The following LRP1B variants were observed in gnomAD, a reference collection of about 807,000 sequenced individuals.
The protein encoded by LRP1B is LDL receptor related protein 1B, also known as low-density lipoprotein receptor-related protein 1B.
A neutral mutation model predicts 556.6 loss-of-function variants in LRP1B; 217 were observed. The ratio of observed to expected loss-of-function variants is 0.39; its 90% CI spans 0.35 to 0.44. The LOEUF is 0.44. Ranked by LOEUF, LRP1B falls within the 20% of genes least tolerant of loss-of-function variation. The pLI, the probability that LRP1B is intolerant of heterozygous loss-of-function variation, is 1.00. For synonymous variants in LRP1B, 2,047 were observed against 1,865.8 expected (o/e 1.10, Z -2.50); for missense variants, 5,053 against 5,620.8 (o/e 0.90, Z 3.23).
chr2:141,037,086 G>A (rs978263377), intron 11 of LRP1B, among the ~76,000 whole-genome samples: 2 of 151,968 alleles, frequency 1.3e-5, no homozygotes, highest in Admixed American at 6.6e-5. Context: ...TTCTACCATT[G>A]AGAGAAGGAT....
At chr2:140,491,591 A>T (rs1382291462) in intron 57 of LRP1B, among the ~76,000 whole-genome samples, 2 of 151,998 alleles carry the variant, frequency 1.3e-5, no homozygotes, top group African/African-American at 4.8e-5. Flanking sequence ...ACAGAAAAAA[A>T]TATATTAAAT....
chr2:141,044,216 T>C (rs1199044538), intron 11 of LRP1B, among the ~76,000 whole-genome samples: 32 of 151,430 alleles, frequency 2.1e-4, no homozygotes, highest in Admixed American at 3.9e-4. Flanking sequence ...TGGCTAGCCG[T>C]ATGTAGAAAG....
intron 31 of LRP1B, among the ~76,000 whole-genome samples, chr2:140,831,570 T>C (rs577913515): frequency 7.2e-5 from 11 of 152,272 alleles, no homozygotes; most frequent in African/African-American, 1.9e-4. Flanking sequence ...ATTAAACTAC[T>C]GAAAGAAAAC....
At chr2:142,037,869 G>A (rs1299939949) in intron 1 of LRP1B, among the ~76,000 whole-genome samples, 3 of 151,452 alleles carry the variant, frequency 2.0e-5, no homozygotes, top group Admixed American at 2.0e-4. Flanking sequence ...CAGGCTTGTA[G>A]CAGAAATGTA....
chr2:141,106,420 CA>C (rs1217287666), intron 7 of LRP1B, among the ~76,000 whole-genome samples: 1 of 151,986 alleles, frequency 6.6e-6, no homozygotes, highest in East Asian at 1.9e-4. Context: ...CATTCATGTA[CA>C]GATTTAAAAA....
intron 43 of LRP1B, among the ~76,000 whole-genome samples, chr2:140,556,330 G>A (rs946672895): frequency 6.6e-6 from 1 of 151,974 alleles, no homozygotes. Flanking sequence ...CCCCCACAAT[G>A]TACTCTATAC....
At chr2:141,118,901 A>G (rs146304102) in intron 7 of LRP1B, among the ~76,000 whole-genome samples, 388 of 152,022 alleles carry the variant, frequency 2.6e-3, no homozygotes, top group African/African-American at 8.9e-3. Context: ...AAGCAGCGTT[A>G]AGAAATACAG....
chr2:140,832,855 T>A lies in LRP1B; in HGVS notation c.5209+7136A>T, dbSNP rs979745992. The stretch of plus-strand genomic sequence containing the variant: ...GTAGAATGACTACAGTTAACAATAA[T>A]GTATTGTCTAGTTCAAAATAGCTAG... On this transcript the variant is annotated intron_variant, in intron 31 of 90. Transcript: ENST00000389484. Among the ~76,000 whole-genome samples, 6 of 125,300 alleles carry A rather than the reference T, an allele frequency of 4.8e-5. No homozygotes were observed. In the East Asian group the frequency reaches 1.5e-3, roughly 30 times the overall value. The allele number at this position is 125,300 out of a possible 152,430, so 82.2% of individuals were successfully genotyped here.
intron 76 of LRP1B, 122 bp downstream of exon 76, chr2:140,352,828 AATC>A (rs1682033692): frequency 1.7e-5 from 16 of 926,074 alleles, no homozygotes; most frequent in East Asian, 2.6e-5. Context: ...TGGCCAAATT[AATC>A]ATCATTAAAA....
At chr2:140,830,957 T>C (rs1464626623) in intron 31 of LRP1B, among the ~76,000 whole-genome samples, 1 of 151,890 alleles carries the variant, frequency 6.6e-6, no homozygotes, top group African/African-American at 2.4e-5. Context: ...CCATATGCAA[T>C]TGCTACAAAA....
intron 1 of LRP1B, among the ~76,000 whole-genome samples, chr2:141,933,459 G>C (rs996220102): frequency 1.3e-5 from 2 of 152,004 alleles, no homozygotes; most frequent in Non-Finnish European, 2.9e-5. Flanking sequence ...TCTGGGAATG[G>C]GGTCAAGAGA....
At chr2:140,469,148 C>A (rs1389929146) in intron 60 of LRP1B, among the ~76,000 whole-genome samples, 1 of 152,076 alleles carries the variant, frequency 6.6e-6, no homozygotes, top group Non-Finnish European at 1.5e-5. Context: ...ATGTTGATGT[C>A]CTTCCAAAAT....
intron 3 of LRP1B, among the ~76,000 whole-genome samples, chr2:141,363,835 T>A (rs1486200587): frequency 6.6e-6 from 1 of 152,180 alleles, no homozygotes; most frequent in African/African-American, 2.4e-5. Context: ...CAAAGATATA[T>A]TCAGCATAAA....
intron 3 of LRP1B, among the ~76,000 whole-genome samples, chr2:141,307,119 A>G (rs1348473133): frequency 1.3e-5 from 2 of 151,826 alleles, no homozygotes; most frequent in South Asian, 4.1e-4. Flanking sequence ...TGCTAGGTCC[A>G]TTTGGTCTAA....
chr2:141,013,470 A>G, intron 14 of LRP1B, 86 bp downstream of exon 14: 1 of 1,077,408 alleles, frequency 9.3e-7, no homozygotes, highest in Non-Finnish European at 1.3e-6. Flanking sequence ...AAACTTTAGC[A>G]ACACTGTCAA....
chr2:140,251,282 A>C (rs1681401091), intron 86 of LRP1B, among the ~76,000 whole-genome samples: 1 of 151,888 alleles, frequency 6.6e-6, no homozygotes, highest in Non-Finnish European at 1.5e-5. Flanking sequence ...ACTGTAAGAC[A>C]TATAAACCGT....
chr2:140,766,060 T>G lies in LRP1B; in HGVS notation c.5758+3153A>C, dbSNP rs201806118. Among the ~76,000 whole-genome samples the G allele has an allele frequency of 7.6e-3, 1,157 of 152,072 alleles. 51 individuals carry two copies. The highest frequency in any genetic ancestry group is 0.068 in the Admixed American group (1,030 of 15,214). On this transcript the variant is annotated intron_variant, in intron 35 of 90. Coordinates refer to ENST00000389484, the MANE Select transcript of LRP1B (RefSeq NM_018557.3). ...AATAAGAGGCAACTGTGCCCTTCCA[T>G]TTGGTCATTTTTATCTTTGATCCTA...
chr2:141,383,515 C>T (rs1454665449), intron 3 of LRP1B, among the ~76,000 whole-genome samples: 3 of 152,114 alleles, frequency 2.0e-5, no homozygotes, highest in African/African-American at 7.2e-5. Context: ...AGATGCTCCT[C>T]AATTTATGAT....
At chr2:141,143,353 C>T (rs2105062218) in intron 7 of LRP1B, among the ~76,000 whole-genome samples, 1 of 152,234 alleles carries the variant, frequency 6.6e-6, no homozygotes, top group Middle Eastern at 3.4e-3. Flanking sequence ...CCTCTCTGGA[C>T]CATAGATTTA....
Sources: gnomAD v4.1 joint callset for allele counts (sites outside exome capture counted in the v4.1 genomes callset) on GRCh38, gnomAD v4.1.1 for gene constraint, MANE v1.5 for transcripts, NCBI Gene and HGNC (gene_info 2026-07-23, HGNC 2026-07-21) for gene names.